The following BAZ2A variants were observed in gnomAD, a reference collection of about 807,000 sequenced individuals.
BAZ2A encodes bromodomain adjacent to zinc finger domain 2A.
In BAZ2A, 34 loss-of-function variants were observed where a neutral mutation model predicts 199.9. That is an observed-to-expected ratio of 0.17 (90% confidence interval 0.13 to 0.23). The LOEUF (loss-of-function observed/expected upper bound fraction) is 0.23. BAZ2A is among the 10% of genes least tolerant of loss of function. BAZ2A has a pLI of 1.00. For missense variants in BAZ2A, 2,002 were observed against 2,391.1 expected (o/e 0.84, Z 3.39); for synonymous variants, 857 against 883.9 (o/e 0.97, Z 0.54).
At chr12:56,618,340 A>T (rs1391868541) in intron 1 of BAZ2A, among the ~76,000 whole-genome samples, 2 of 152,160 alleles carry the variant, frequency 1.3e-5, no homozygotes, top group African/African-American at 2.4e-5. Context: ...CAAGATACTT[A>T]TATTTGTAAA....
At chr12:56,636,160 C>A in intron 1 of BAZ2A, 1 of 1,587,278 alleles carries the variant, frequency 6.3e-7, no homozygotes, top group East Asian at 2.3e-5. Flanking sequence ...AGGCCTTCCC[C>A]GGGGCTGGTC....
intron 1 of BAZ2A, among the ~76,000 whole-genome samples, chr12:56,620,307 T>G (rs1020832097): frequency 6.6e-6 from 1 of 151,982 alleles, no homozygotes. Context: ...AAACCTGCCA[T>G]GCATCAGTGA....
chr12:56,630,418 TC>T, upstream of BAZ2A: 1 of 405,848 alleles, frequency 2.5e-6, no homozygotes, highest in Non-Finnish European at 3.3e-6. Flanking sequence ...CGCCAGCCCA[TC>T]TTTCCGACCC....
intron 1 of BAZ2A, among the ~76,000 whole-genome samples, chr12:56,627,733 G>C (rs1951148219): frequency 6.6e-6 from 1 of 151,338 alleles, no homozygotes; most frequent in African/African-American, 2.4e-5. Context: ...GGCTGAGGTG[G>C]GAGGATCACT....
rs886329180 is a variant in BAZ2A, at chr12:56,599,315, C to T, written c.5216G>A (p.Arg1739His). The T allele has an allele frequency of 1.1e-5, 18 of 1,613,466 alleles. No individual in the cohort carries two copies. The highest frequency in any genetic ancestry group is 5.3e-5 in the African/African-American group (4 of 74,924). The change falls in exon 27 of 29, where the codon CGT becomes CAT. Residue 1739 changes from arginine to histidine, a missense_variant. By Grantham distance (29) the Arg-to-His change is conservative (BLOSUM62 0). This residue lies in a region of BAZ2A where 122 missense variants were observed against 123.0 expected (regional missense o/e 0.99). Transcript: ENST00000549884. ...ATAACCACTTTTCCGCTTCTGGCCA[C>T]GCTTTGGGAAACCAGGCTTCTGAGT... ...EFTQKPGFPK[R>H]GQKRKSGYSL...
At chr12:56,623,569 C>A (rs1357328207) in intron 1 of BAZ2A, among the ~76,000 whole-genome samples, 1 of 152,192 alleles carries the variant, frequency 6.6e-6, no homozygotes, top group South Asian at 2.1e-4. Flanking sequence ...TTGTGAACAT[C>A]ATGAAGGATA....
At chr12:56,599,894 C>T in intron 25 of BAZ2A, 46 bp from the exon 26 acceptor site, 4 of 1,613,370 alleles carry the variant, frequency 2.5e-6, no homozygotes, top group East Asian at 2.2e-5. Context: ...CCAGCCTCTA[C>T]CTGCCAGTGA....
At position 56,600,203 on chromosome 12, in the gene BAZ2A, C is replaced by T. The variant is rs1015957856; in HGVS notation, c.4890G>A (p.Glu1630=). Residue 1630 remains glutamate (E), a splice_region_variant and synonymous_variant, in exon 24 of 29, where the codon GAG becomes GAA. Coordinates refer to ENST00000549884, the MANE Select transcript of BAZ2A (RefSeq NM_001300905.2). The part of the protein sequence containing the change: ...PNGAPEGTTT[E]ISYEITPRIR... The stretch of plus-strand genomic sequence containing the variant: ...AATGGAGGGTGGGAGTCACTCACAT[C>T]TCTGTAGTGGTGCCCTCAGGGGCAC... The T allele has an allele frequency of 1.2e-6, 2 of 1,613,726 alleles. No homozygotes were observed. The highest frequency in any genetic ancestry group is 2.7e-5 in the African/African-American group (2 of 74,918).
At position 56,605,068 on chromosome 12, in the gene BAZ2A, C is replaced by T. The variant is rs753929996; in HGVS notation, c.2748+5G>A. The T allele has an allele frequency of 1.3e-6, 2 of 1,595,370 alleles. No homozygotes were observed. The highest frequency in any genetic ancestry group is 2.7e-5 in the African/African-American group (2 of 74,714). On this transcript the variant is annotated splice_donor_5th_base_variant and intron_variant, in intron 14 of 28. Coordinates refer to ENST00000549884, the MANE Select transcript of BAZ2A (RefSeq NM_001300905.2). ...CTGGTTACTTTGGGAGGGACTTGCA[C>T]TCACCTGACAGTAGGAGGGAAAGCC...
chr12:56,600,047 G>A lies in BAZ2A; in HGVS notation c.4942C>T (p.Arg1648Trp), dbSNP rs751912640. Residue 1648 changes from arginine to tryptophan, a missense_variant, in exon 25 of 29, where the codon CGG becomes TGG. Arg to Trp is a moderately radical substitution (Grantham distance 101). This residue lies in a region of BAZ2A where 1,081 missense variants were observed against 1,274.7 expected (regional missense o/e 0.85). Transcript: ENST00000549884. ...CACACCTGGGCTGCGCTCCGGCACC[G>A]CTCGAGGGTCTGGCGCCAGACACGA... Reference protein sequence around the residue: ...RIRVWRQTLERCRSAAQVCLC... With the variant: ...RIRVWRQTLEWCRSAAQVCLC... 8.7e-6 allele frequency: 14 copies of A among 1,613,932 alleles called. No individual in the cohort carries two copies. The highest frequency in any genetic ancestry group is 1.1e-5 in the Non-Finnish European group (13 of 1,179,912).
rs1267507510 is a variant in BAZ2A at position 56,636,321 on chromosome 12, G to A, written c.-136C>T. 5 of 1,494,338 alleles carry A rather than the reference G, an allele frequency of 3.3e-6. No homozygotes were observed. The African/African-American group carries it at 5.6e-5, about 17-fold the overall frequency. The allele number at this position is 1,494,338 out of a possible 1,614,324, so 92.6% of individuals were successfully genotyped here. A position where few individuals can be genotyped will look rare whatever the true frequency, so the allele number is the denominator to read the frequency against. ...AGCAAGAATCAAAAAGCCAGTGTAT[G>A]CTTCCTGCGAACCACACAGCCTGAA... On this transcript the variant is annotated 5_prime_UTR_variant, in exon 1 of 30. Transcript: ENST00000379441.
intron 10 of BAZ2A, among the ~76,000 whole-genome samples, chr12:56,607,714 C>G (rs914454435): frequency 2.0e-5 from 3 of 152,084 alleles, no homozygotes; most frequent in Non-Finnish European, 4.4e-5. Context: ...TATAGAAACG[C>G]CACCACATGT....
At chr12:56,630,016 C>A (rs1369855019) in intron 1 of BAZ2A, 109 bp downstream of exon 1, 1 of 824,012 alleles carries the variant, frequency 1.2e-6, no homozygotes, top group Non-Finnish European at 1.5e-6. Flanking sequence ...GTCGGCTTCC[C>A]GCCCCGGCAA....
rs557989950 is a variant in BAZ2A, at chr12:56,607,832, G to C, written c.2093-1099C>G. Among the ~76,000 whole-genome samples, 35 of 152,284 alleles carry C rather than the reference G, an allele frequency of 2.3e-4. No homozygotes were observed. In the South Asian group the frequency reaches 3.5e-3, roughly 15 times the overall value. On this transcript the variant is annotated intron_variant, in intron 10 of 28. Coordinates refer to ENST00000549884, the MANE Select transcript of BAZ2A (RefSeq NM_001300905.2). ...GCAGTGGCTCACACCTGTAATCCCA[G>C]CACTTTGGGAGGCTGAAGCAGGCGG...
chr12:56,625,895 A>AAAC (rs1592622259), intron 1 of BAZ2A, among the ~76,000 whole-genome samples: 3 of 151,498 alleles, frequency 2.0e-5, no homozygotes, highest in African/African-American at 7.3e-5. Flanking sequence ...AAAAAAAAAA[A>AAAC]AACAACAACA....
At position 56,614,017 on chromosome 12, in the gene BAZ2A, A is replaced by G. The variant is rs778231169; in HGVS notation, c.852T>C (p.Asp284=). 2 of 1,613,972 alleles carry G rather than the reference A, an allele frequency of 1.2e-6. No homozygotes were observed. The highest frequency in any genetic ancestry group is 2.2e-5 in the South Asian group (2 of 91,084). ...TGAGGATTGGAGTGTCTTCCAGTTG[A>G]TCAGGAAGATGTGAAGGATCATCTA... ...SCLDDPSHLP[D]QLEDTPILSE... Residue 284 remains aspartate, a synonymous_variant, in exon 4 of 29, where the codon GAT becomes GAC. Transcript: ENST00000549884.
intron 26 of BAZ2A, 24 bp from the exon 27 acceptor site, chr12:56,599,382 T>A: frequency 1.9e-6 from 3 of 1,599,832 alleles, no homozygotes; most frequent in Non-Finnish European, 2.6e-6. Context: ...ACAGGTGAGA[T>A]TAGCAACAGC....
Position 56,601,085 on chromosome 12 carries a change from G to C in BAZ2A, c.4308C>G (p.Gly1436=). Residue 1436 remains glycine, a synonymous_variant, in exon 22 of 29, where the codon GGC becomes GGG. Coordinates refer to ENST00000549884, the MANE Select transcript of BAZ2A (RefSeq NM_001300905.2). ...AQPVPPEMCS[G]WWWIRDPEML... ...TCTCAGGATCTCGTATCCACCACCA[G>C]CCTGAGCACATCTCTGTGAGCAGAT... The C allele has an allele frequency of 1.9e-6, 3 of 1,613,158 alleles. No individual in the cohort carries two copies. The highest frequency in any genetic ancestry group is 2.5e-6 in the Non-Finnish European group (3 of 1,179,510).
chr12:56,626,065 T>C lies in BAZ2A; in HGVS notation c.-3+4060A>G, dbSNP rs188058033. On this transcript the variant is annotated intron_variant, in intron 1 of 28. Transcript: ENST00000549884. ...GTGACAGTATCTTCAAAGTATCAGA[T>C]ATCTTCAAAGATGGGCTTTTTTGTT... 9.8e-4 allele frequency among the ~76,000 whole-genome samples: 149 copies of C among 152,318 alleles called. 1 individual carries two copies. The highest frequency in any genetic ancestry group is 3.5e-3 in the African/African-American group (146 of 41,564).
Sources: gnomAD v4.1 joint callset for allele counts (sites outside exome capture counted in the v4.1 genomes callset) on GRCh38, gnomAD v4.1.1 for gene constraint, gnomAD v4.1.1 regional missense constraint, MANE v1.5 for transcripts, NCBI Gene and HGNC (gene_info 2026-07-23, HGNC 2026-07-21) for gene names.